C1QTNF3: variants seen among roughly 807,000 people sequenced by gnomAD.
C1QTNF3 encodes C1q and TNF related 3, also known as complement C1q tumor necrosis factor-related protein 3.
Under a neutral mutation model 32.6 loss-of-function variants are expected in C1QTNF3, and 26 were observed. The observed-to-expected ratio is 0.80, with a 90% CI of 0.58 to 1.11. The LOEUF (loss-of-function observed/expected upper bound fraction) is 1.11. C1QTNF3 is among the 50% of genes least tolerant of loss of function. C1QTNF3 has a pLI of 0.00. For missense variants in C1QTNF3, 362 were observed against 398.2 expected, an observed-to-expected ratio of 0.91 and a Z score of 0.77; for synonymous variants, 155 against 146.0, an observed-to-expected ratio of 1.06 and a Z score of -0.44.
At chr5:34,106,199 A>T in the C1QTNF3 span, 6 of 152,054 alleles carry the variant, frequency 3.9e-5, no homozygotes, top group South Asian at 1.2e-3. Flanking sequence ...TTTAGCAAAT[A>T]TTTGCTAGCC....
chr5:34,035,054 T>C (rs1050145475), intron 2 of C1QTNF3, among the ~76,000 whole-genome samples: 2 of 152,090 alleles, frequency 1.3e-5, no homozygotes. Flanking sequence ...GAGCCCCATA[T>C]TGAGGAGACC....
At chr5:34,072,612 C>A in the C1QTNF3 span, among the ~76,000 whole-genome samples, 1 of 152,012 alleles carries the variant, frequency 6.6e-6, no homozygotes, top group Non-Finnish European at 1.5e-5. Flanking sequence ...AGGTGAGGAG[C>A]TAGAAACTAA....
chr5:34,071,713 A>G, the C1QTNF3 span, among the ~76,000 whole-genome samples: 2 of 152,192 alleles, frequency 1.3e-5, no homozygotes, highest in African/African-American at 2.4e-5. Context: ...TCTAATCTAT[A>G]ATAGCATCAG....
chr5:34,180,584 T>C, the C1QTNF3 span, among the ~76,000 whole-genome samples: 489 of 149,520 alleles, frequency 3.3e-3, no homozygotes, highest in Non-Finnish European at 3.2e-3. Context: ...TTGGGCACTC[T>C]ATGAGACAAC....
chr5:34,139,606 A>AT, the C1QTNF3 span, among the ~76,000 whole-genome samples: 14 of 151,120 alleles, frequency 9.3e-5, no homozygotes, highest in African/African-American at 3.2e-4. Flanking sequence ...GAAACAATAT[A>AT]TTTTTTTTTA....
the C1QTNF3 span, among the ~76,000 whole-genome samples, chr5:34,174,782 C>A: frequency 5.5e-4 from 83 of 152,188 alleles, no homozygotes; most frequent in East Asian, 0.014. Flanking sequence ...CACTGTCGCC[C>A]AGGCTGGAGT....
the C1QTNF3 span, among the ~76,000 whole-genome samples, chr5:34,076,138 G>T: frequency 2.0e-5 from 3 of 151,630 alleles, no homozygotes; most frequent in East Asian, 3.9e-4. Context: ...ATTGTATGGG[G>T]TTGCTGTTTA....
At chr5:34,024,225 A>T in intron 4 of C1QTNF3, 1 of 473,702 alleles carries the variant, frequency 2.1e-6, no homozygotes, top group Non-Finnish European at 3.9e-6. Context: ...AATAAGACTT[A>T]AAAGTCTTTA....
the C1QTNF3 span, among the ~76,000 whole-genome samples, chr5:34,202,787 G>C: frequency 1.3e-5 from 2 of 152,024 alleles, no homozygotes; most frequent in African/African-American, 4.8e-5. Context: ...TTGCAGGCTA[G>C]TCATACAGTT....
At chr5:34,178,315 A>G in the C1QTNF3 span, among the ~76,000 whole-genome samples, 1 of 152,132 alleles carries the variant, frequency 6.6e-6, no homozygotes, top group South Asian at 2.1e-4. Flanking sequence ...TACCTTTTCA[A>G]AGAGAATGAA....
the C1QTNF3 span, among the ~76,000 whole-genome samples, chr5:34,056,416 ATGTATGTGTGTGTGTG>A: frequency 1.6e-5 from 1 of 61,196 alleles, no homozygotes; most frequent in South Asian, 1.0e-3. Context: ...ATATATGTAT[ATGTATGTGTGTGTGTG>A]TGTGTGTGTG....
At chr5:34,050,032 C>T in the C1QTNF3 span, among the ~76,000 whole-genome samples, 1 of 152,208 alleles carries the variant, frequency 6.6e-6, no homozygotes, top group African/African-American at 2.4e-5. Flanking sequence ...AGTAAATAAA[C>T]ATCTCAGGAG....
the C1QTNF3 span, among the ~76,000 whole-genome samples, chr5:34,231,530 C>T: frequency 1.3e-5 from 2 of 152,204 alleles, no homozygotes; most frequent in East Asian, 1.9e-4. Flanking sequence ...TAAACAAGCA[C>T]ATATGCTCAT....
chr5:34,046,565 G>A (rs759772007), upstream of C1QTNF3, among the ~76,000 whole-genome samples: 2 of 152,178 alleles, frequency 1.3e-5, no homozygotes, highest in East Asian at 1.9e-4. Context: ...GGTGAGAAGC[G>A]TGGAACAGAT....
chr5:34,170,610 A>C, the C1QTNF3 span, among the ~76,000 whole-genome samples: 1 of 152,146 alleles, frequency 6.6e-6, no homozygotes, highest in Non-Finnish European at 1.5e-5. Flanking sequence ...ATTACCCTTC[A>C]AATAGCTGTT....
intron 4 of C1QTNF3, 125 bp downstream of exon 4, chr5:34,028,629 A>C: frequency 3.8e-5 from 26 of 689,582 alleles, no homozygotes; most frequent in African/African-American, 5.6e-5. Flanking sequence ...TTTATTTCCT[A>C]CTCCCTTCCT....
chr5:34,124,587 G>T, the C1QTNF3 span: 330 of 570,288 alleles, frequency 5.8e-4, no homozygotes, highest in African/African-American at 5.7e-3. Context: ...GCACTAAGGG[G>T]ATGGTATTCA....
the C1QTNF3 span, among the ~76,000 whole-genome samples, chr5:34,092,961 ATTC>A: frequency 0.01 from 1,583 of 151,928 alleles, 24 homozygotes; most frequent in African/African-American, 0.037. Context: ...AAATTTAGCA[ATTC>A]TTATTTGTAA....
chr5:34,159,375 C>T, the C1QTNF3 span, among the ~76,000 whole-genome samples: 1 of 151,786 alleles, frequency 6.6e-6, no homozygotes, highest in South Asian at 2.1e-4. Flanking sequence ...CTCTTTTTTA[C>T]CAAATTATAC....
Sources: allele counts gnomAD v4.1 joint callset (sites outside exome capture counted in the v4.1 genomes callset), GRCh38; gene constraint gnomAD v4.1.1; transcripts MANE v1.5; gene names NCBI Gene and HGNC (gene_info 2026-07-23, HGNC 2026-07-21).